The following IFT46 variants were observed in gnomAD, a reference collection of about 807,000 sequenced individuals.
IFT46 encodes intraflagellar transport 46.
IFT46 carries 19 observed loss-of-function variants against 39.6 expected under a neutral mutation model. The observed-to-expected ratio is 0.48, with a 90% confidence interval of 0.33 to 0.70. The LOEUF (loss-of-function observed/expected upper bound fraction) is 0.70. Ranked by LOEUF, IFT46 falls within the 30% of genes least tolerant of loss-of-function variation. IFT46 has a pLI of 0.01. For synonymous variants in IFT46, 117 were observed against 134.8 expected, an observed-to-expected ratio of 0.87 and a Z score of 0.91; for missense variants, 334 against 364.8, an observed-to-expected ratio of 0.92 and a Z score of 0.69.
At chr11:118,557,734 CT>C (rs782634986) in intron 3 of IFT46, 1 of 1,613,938 alleles carries the variant, frequency 6.2e-7, no homozygotes, top group East Asian at 2.2e-5. Flanking sequence ...ACATTATAAC[CT>C]ACCTTTCTGT....
intron 8 of IFT46, 65 bp from the exon 9 acceptor site, chr11:118,551,917 A>T: frequency 2.1e-6 from 3 of 1,445,004 alleles, no homozygotes; most frequent in Non-Finnish European, 2.9e-6. Flanking sequence ...CCTCTGGATC[A>T]GCATATTCTA....
At chr11:118,553,096 T>A (rs1302169197) in intron 7 of IFT46, among the ~76,000 whole-genome samples, 1 of 150,016 alleles carries the variant, frequency 6.7e-6, no homozygotes, top group Non-Finnish European at 1.5e-5. Context: ...AAAAATAATT[T>A]GCTGAAGCCA....
chr11:118,551,750 A>C lies in IFT46; in HGVS notation c.672+36T>G, dbSNP rs782246540. Reference sequence around the variant, plus strand: ...CACTGGGCCCTGGAGCGAATACTGTACTTTCTTACCCTACCTCCTGCTACC... The same window carrying C: ...CACTGGGCCCTGGAGCGAATACTGTCCTTTCTTACCCTACCTCCTGCTACC... On this transcript the variant is annotated intron_variant, in intron 9 of 11. Transcript: ENST00000264021. 2.0e-6 allele frequency: 3 copies of C among 1,522,898 alleles called. No individual in the cohort carries two copies. In the Admixed American group the frequency reaches 5.0e-5, roughly 25 times the overall value. The allele number at this position is 1,522,898 out of a possible 1,614,324, so 94.3% of individuals were successfully genotyped here.
intron 2 of IFT46, among the ~76,000 whole-genome samples, chr11:118,562,291 T>A (rs2135508110): frequency 6.6e-6 from 1 of 150,502 alleles, no homozygotes; most frequent in East Asian, 2.0e-4. Flanking sequence ...AAAAAAAAAA[T>A]TAGCTGGACA....
intron 2 of IFT46, 119 bp from the exon 3 acceptor site, chr11:118,559,983 C>A: frequency 1.6e-6 from 1 of 644,642 alleles, no homozygotes; most frequent in Non-Finnish European, 2.7e-6. Context: ...ATTGGAACAT[C>A]TGGCTAAAGA....
At chr11:118,555,123 A>G (rs782689893) in intron 5 of IFT46, 40 bp from the exon 6 acceptor site, 63 of 1,561,714 alleles carry the variant, frequency 4.0e-5, no homozygotes, top group South Asian at 1.0e-4. Flanking sequence ...ACAGTCAGAA[A>G]AAGTTACTTT....
chr11:118,568,313 G>A (rs1296829662), upstream of IFT46, among the ~76,000 whole-genome samples: 1 of 152,156 alleles, frequency 6.6e-6, no homozygotes, highest in Non-Finnish European at 1.5e-5. Flanking sequence ...ACTTTGGGAG[G>A]CCGAGGCAGG....
exon 1 of IFT46, chr11:118,572,597 G>A: frequency 6.3e-7 from 1 of 1,591,696 alleles, no homozygotes; most frequent in Non-Finnish European, 8.5e-7. Context: ...GAGCCTCACC[G>A]TCTCTCCTTG....
intron 9 of IFT46, among the ~76,000 whole-genome samples, chr11:118,548,141 C>G (rs1376316453): frequency 1.3e-5 from 2 of 150,650 alleles, no homozygotes; most frequent in Non-Finnish European, 2.9e-5. Context: ...CCTCAGCCTC[C>G]CAAAGTGCTG....
chr11:118,572,547 C>T (rs781787636), intron 1 of IFT46: 2 of 1,611,076 alleles, frequency 1.2e-6, no homozygotes, highest in African/African-American at 2.7e-5. Flanking sequence ...CCGCCCTCAC[C>T]ATGGTAAGAT....
At chr11:118,555,922 C>CA (rs1215637899) in intron 4 of IFT46, among the ~76,000 whole-genome samples, 55 of 113,164 alleles carry the variant, frequency 4.9e-4, no homozygotes, top group Admixed American at 1.5e-3. Context: ...GACTCTGTCT[C>CA]AAAAAAAAAA....
upstream of IFT46, among the ~76,000 whole-genome samples, chr11:118,566,687 C>T (rs1273149945): frequency 2.0e-5 from 3 of 152,130 alleles, no homozygotes; most frequent in African/African-American, 7.2e-5. Context: ...AGCGAGACTC[C>T]GTCTCAAAAA....
At chr11:118,551,903 G>A in intron 8 of IFT46, 51 bp from the exon 9 acceptor site, 1 of 1,502,854 alleles carries the variant, frequency 6.7e-7, no homozygotes, top group Non-Finnish European at 9.3e-7. Flanking sequence ...GATAACATCA[G>A]CAACCTCTGG....
At chr11:118,573,398 C>T (rs567587402), upstream of IFT46, among the ~76,000 whole-genome samples, 2 of 152,234 alleles carry the variant, frequency 1.3e-5, no homozygotes, top group South Asian at 2.1e-4. Context: ...GTATACTCAT[C>T]TGTTACAAGG....
chr11:118,555,979 A>C (rs1555069401), intron 4 of IFT46, among the ~76,000 whole-genome samples: 1 of 152,068 alleles, frequency 6.6e-6, no homozygotes, highest in East Asian at 1.9e-4. Flanking sequence ...CAGAAAAAAA[A>C]AATTATAGAA....
chr11:118,545,759 G>C (rs782184922), intron 10 of IFT46, 34 bp downstream of exon 10: 9 of 1,601,176 alleles, frequency 5.6e-6, no homozygotes, highest in African/African-American at 1.3e-5. Context: ...TCTCTATCCA[G>C]AGATGGGGAC....
At chr11:118,552,721 C>T (rs978713448) in intron 7 of IFT46, among the ~76,000 whole-genome samples, 13 of 151,378 alleles carry the variant, frequency 8.6e-5, no homozygotes, top group African/African-American at 3.2e-4. Flanking sequence ...TGAGCCCAGG[C>T]GTTTGAGGTT....
At chr11:118,558,777 G>T (rs1937926811) in intron 3 of IFT46, among the ~76,000 whole-genome samples, 1 of 151,092 alleles carries the variant, frequency 6.6e-6, no homozygotes, top group Admixed American at 6.6e-5. Context: ...TTAGCCAGGC[G>T]AGTTGGTGCA....
Position 118,559,830 on chromosome 11 carries a change from A to T in IFT46, c.-1T>A, listed in dbSNP as rs1179537365. ...ACTCATCACTGCTGTTATCAGCCAT[A>T]GCCTTGTTAGGAAGATGGGCAGAAC... On this transcript the variant is annotated 5_prime_UTR_variant, in exon 3 of 12. Transcript: ENST00000264021. 6.2e-7 allele frequency: 1 copy of T among 1,613,162 alleles called. No individual in the cohort carries two copies. The highest frequency in any genetic ancestry group is 1.7e-5 in the Admixed American group (1 of 60,018).
Sources: allele counts gnomAD v4.1 joint callset (sites outside exome capture counted in the v4.1 genomes callset), GRCh38; gene constraint gnomAD v4.1.1; transcripts MANE v1.5; gene names NCBI Gene and HGNC (gene_info 2026-07-23, HGNC 2026-07-21).